The following CUX1 variants were observed in gnomAD, a reference collection of about 807,000 sequenced individuals.
The protein encoded by CUX1 is cut like homeobox 1, also known as protein CASP.
In CUX1, 31 loss-of-function variants were observed where a neutral mutation model predicts 158.8. The ratio of observed to expected loss-of-function variants is 0.20; its 90% CI spans 0.15 to 0.26. The LOEUF (loss-of-function observed/expected upper bound fraction) is 0.26. Ranked by LOEUF, CUX1 falls within the 10% of genes least tolerant of loss-of-function variation. CUX1 has a pLI of 1.00. For missense variants in CUX1, 1,589 were observed against 2,014.6 expected, an observed-to-expected ratio of 0.79 and a Z score of 4.04; for synonymous variants, 879 against 862.1, an observed-to-expected ratio of 1.02 and a Z score of -0.34.
intron 8 of CUX1, among the ~76,000 whole-genome samples, chr7:102,133,606 G>T (rs1417185832): frequency 6.7e-6 from 1 of 148,300 alleles, no homozygotes; most frequent in Admixed American, 7.0e-5. Flanking sequence ...CTACCAAGTA[G>T]TTGGGACCAC....
chr7:101,861,085 A>G (rs1005331270), intron 1 of CUX1, among the ~76,000 whole-genome samples: 2 of 152,026 alleles, frequency 1.3e-5, no homozygotes, highest in Non-Finnish European at 2.9e-5. Context: ...CCCGGCCTGC[A>G]CTAGTTTTTT....
intron 2 of CUX1, among the ~76,000 whole-genome samples, chr7:101,962,836 T>G (rs1412460280): frequency 6.6e-6 from 1 of 152,114 alleles, no homozygotes; most frequent in African/African-American, 2.4e-5. Context: ...TCCTCCCACC[T>G]CAGCCTCCTG....
chr7:102,000,758 G>A (rs1193884530), intron 2 of CUX1, among the ~76,000 whole-genome samples: 1 of 152,048 alleles, frequency 6.6e-6, no homozygotes, highest in Non-Finnish European at 1.5e-5. Context: ...TTTAAGGGAA[G>A]GTTTTGTTTT....
chr7:102,232,055 C>G lies in CUX1; in HGVS notation c.3434-1997C>G, dbSNP rs182197425. On this transcript the variant is annotated intron_variant, in intron 21 of 23. Coordinates refer to ENST00000292535, the MANE Select transcript of CUX1 (RefSeq NM_181552.4). ...ACTAAAAAAAAAAAAATCATAAGGA[C>G]TTGGGACATTTATAGGCTAAAGAGT... Among the ~76,000 whole-genome samples the G allele has an allele frequency of 2.5e-3, 382 of 151,922 alleles. 2 individuals carry two copies. The highest frequency in any genetic ancestry group is 8.7e-3 in the African/African-American group (363 of 41,488).
chr7:102,234,010 C>G (rs1799280867), intron 21 of CUX1, 42 bp from the exon 22 acceptor site: 1 of 1,405,122 alleles, frequency 7.1e-7, no homozygotes, highest in Admixed American at 2.8e-5. Context: ...AGATCCCTGG[C>G]TCTCGGTGAC....
rs3988138 is a variant in CUX1 at position 102,126,177 on chromosome 7, CTGTGTGTGTG to C, written c.674+10930_674+10939del. On this transcript the variant is annotated intron_variant, in intron 8 of 23. Transcript: ENST00000292535. Reference sequence around the variant, plus strand: ...TACAAGTGTGCACCACCATTTCCGGCTGTGTGTGTGTGTGTGTGTGTGTGTGTGTGTGTGT... The same window carrying C: ...TACAAGTGTGCACCACCATTTCCGGCTGTGTGTGTGTGTGTGTGTGTGTGT... 2.4e-4 allele frequency among the ~76,000 whole-genome samples: 33 copies of C among 135,540 alleles called. No individual in the cohort carries two copies. The South Asian group carries it at 7.3e-3, about 30-fold the overall frequency. 88.9% of individuals were successfully genotyped at this position (135,540 alleles called of 152,430 possible).
chr7:101,906,647 C>G (rs1302742726), intron 1 of CUX1, among the ~76,000 whole-genome samples: 1 of 152,072 alleles, frequency 6.6e-6, no homozygotes, highest in African/African-American at 2.4e-5. Flanking sequence ...TTTCTAGGCC[C>G]CCACTGCATG....
At position 102,205,755 on chromosome 7, in the gene CUX1, G is replaced by A. The variant is rs1443951130; in HGVS notation, c.3130+585G>A. ...TGGTGGCTGCAGGCTGAGAAACTCG[G>A]GCTCCTTCCTGTCTGCATTTCACAG... On this transcript the variant is annotated intron_variant, in intron 20 of 23. Transcript: ENST00000292535. Among the ~76,000 whole-genome samples, 6 of 152,122 alleles carry A rather than the reference G, an allele frequency of 3.9e-5. No homozygotes were observed. The East Asian group carries it at 1.2e-3, about 29-fold the overall frequency.
At chr7:102,158,640 C>A (rs57634989) in intron 9 of CUX1, 32 bp downstream of exon 9, 81,857 of 1,607,116 alleles carry the variant, frequency 0.051, 2,408 homozygotes, top group African/African-American at 0.11. Flanking sequence ...GTCCTAAAAC[C>A]CACAATAGCG....
intron 1 of CUX1, among the ~76,000 whole-genome samples, chr7:101,891,508 A>C (rs1274104587): frequency 6.6e-6 from 1 of 152,228 alleles, no homozygotes; most frequent in Non-Finnish European, 1.5e-5. Context: ...TATAGGCATA[A>C]GCCCTCACAC....
chr7:101,972,740 C>T (rs966717546), intron 2 of CUX1, among the ~76,000 whole-genome samples: 8 of 152,194 alleles, frequency 5.3e-5, no homozygotes, highest in African/African-American at 1.7e-4. Flanking sequence ...CAGGCCAGGC[C>T]GCCATGGTGG....
At chr7:102,263,314 C>CTTT (rs71123026) in intron 14 of CUX1, among the ~76,000 whole-genome samples, 18,533 of 89,426 alleles carry the variant, frequency 0.21, 3,550 homozygotes, top group South Asian at 0.29. Context: ...CACACCTAGC[C>CTTT]TTTTTTTTTT....
At chr7:102,278,730 TAAATAAAATA>T (rs1267989605) in intron 18 of CUX1, among the ~76,000 whole-genome samples, 3 of 141,442 alleles carry the variant, frequency 2.1e-5, no homozygotes, top group South Asian at 4.5e-4. Flanking sequence ...AAAATAATAA[TAAATAAAATA>T]AAATAAAATA....
At chr7:102,267,441 G>A (rs1309733797) in intron 14 of CUX1, among the ~76,000 whole-genome samples, 1 of 152,070 alleles carries the variant, frequency 6.6e-6, no homozygotes, top group Non-Finnish European at 1.5e-5. Context: ...GGCTGAGGCA[G>A]GAGAATCACT....
chr7:101,861,780 T>C (rs1319981750), intron 1 of CUX1, among the ~76,000 whole-genome samples: 1 of 152,018 alleles, frequency 6.6e-6, no homozygotes, highest in Non-Finnish European at 1.5e-5. Context: ...TTTTTTTTTT[T>C]TTGAGACGGA....
chr7:102,038,664 A>G (rs1585373345), intron 3 of CUX1, among the ~76,000 whole-genome samples: 1 of 152,176 alleles, frequency 6.6e-6, no homozygotes, highest in Admixed American at 6.6e-5. Context: ...CGCTAAAGAA[A>G]CAAGCATGGC....
chr7:102,198,209 A>G (rs1172077945), intron 15 of CUX1, among the ~76,000 whole-genome samples: 1 of 152,220 alleles, frequency 6.6e-6, no homozygotes, highest in African/African-American at 2.4e-5. Flanking sequence ...GCAGTGAGCC[A>G]TGATTGAGCC....
At chr7:101,886,592 C>T (rs1018877314) in intron 1 of CUX1, among the ~76,000 whole-genome samples, 1 of 152,206 alleles carries the variant, frequency 6.6e-6, no homozygotes, top group Non-Finnish European at 1.5e-5. Flanking sequence ...TGGGGAGAAG[C>T]CCCCTGGCCC....
intron 4 of CUX1, among the ~76,000 whole-genome samples, chr7:102,073,494 C>T (rs955095432): frequency 7.2e-5 from 11 of 152,132 alleles, no homozygotes; most frequent in African/African-American, 2.7e-4. Context: ...TTCTAAATAA[C>T]CTATAATCTC....
Sources: gnomAD v4.1 joint callset for allele counts (sites outside exome capture counted in the v4.1 genomes callset) on GRCh38, gnomAD v4.1.1 for gene constraint, MANE v1.5 for transcripts, NCBI Gene and HGNC (gene_info 2026-07-23, HGNC 2026-07-21) for gene names.